The following FGFR1OP2 variants were observed in gnomAD, a reference collection of about 807,000 sequenced individuals.
FGFR1OP2 encodes the protein fibroblast growth factor receptor 1 oncogene partner 2.
Under a neutral mutation model 35.2 loss-of-function variants are expected in FGFR1OP2, and 17 were observed. The ratio of observed to expected loss-of-function variants is 0.48; its 90% confidence interval spans 0.33 to 0.73. FGFR1OP2 has a LOEUF of 0.73. Among genes scored for constraint, FGFR1OP2 ranks in the 30% least tolerant of loss-of-function variants. FGFR1OP2 has a pLI of 0.02. For missense variants in FGFR1OP2, 251 were observed against 307.3 expected (o/e 0.82, Z 1.37); for synonymous variants, 105 against 104.6 (o/e 1.00, Z -0.03).
intron 1 of FGFR1OP2, among the ~76,000 whole-genome samples, chr12:26,950,528 TATTC>T (rs1390889600): frequency 3.9e-5 from 6 of 152,090 alleles, no homozygotes; most frequent in Non-Finnish European, 8.8e-5. Flanking sequence ...ACCTGCCCTG[TATTC>T]ATTGTTTTTA....
intron 4 of FGFR1OP2, among the ~76,000 whole-genome samples, chr12:26,958,596 G>A (rs1425751118): frequency 1.3e-5 from 2 of 152,060 alleles, no homozygotes; most frequent in Non-Finnish European, 2.9e-5. Flanking sequence ...GTAAAATTTT[G>A]CTCCCTTGCC....
In FGFR1OP2 at chr12:26,960,647, C is replaced by CGCT; in HGVS notation, c.510+19_510+20insGCT. 1.2e-6 allele frequency: 2 copies of CGCT among 1,603,890 alleles called. No homozygotes were observed. The highest frequency in any genetic ancestry group is 1.7e-6 in the Non-Finnish European group (2 of 1,174,036). ...TCAGAATGTACACTAAATAAACAGTCAACTTTTGGGGTGTGGATGGAAGGG... is the reference window on the plus strand; with the variant it reads ...TCAGAATGTACACTAAATAAACAGTCGCTAACTTTTGGGGTGTGGATGGAAGGG... On this transcript the variant is annotated intron_variant, in intron 5 of 6. Transcript: ENST00000229395.
chr12:26,959,929 A>G (rs1189785359), intron 4 of FGFR1OP2, among the ~76,000 whole-genome samples: 1 of 152,140 alleles, frequency 6.6e-6, no homozygotes, highest in Non-Finnish European at 1.5e-5. Flanking sequence ...GTAGGGCGTG[A>G]TGAATCCCAA....
At chr12:26,942,826 T>C (rs926136927) in intron 1 of FGFR1OP2, among the ~76,000 whole-genome samples, 7 of 152,236 alleles carry the variant, frequency 4.6e-5, no homozygotes, top group Non-Finnish European at 8.8e-5. Context: ...AGAGACTTTT[T>C]TGTATTCTAG....
intron 1 of FGFR1OP2, among the ~76,000 whole-genome samples, chr12:26,950,215 T>TTTTTTTTTTG (rs1938901145): frequency 1.0e-5 from 1 of 97,204 alleles, no homozygotes. Context: ...TATTCGTTGT[T>TTTTTTTTTTG]TTTTTTTTTT....
At chr12:26,952,153 G>A (rs567601331) in intron 1 of FGFR1OP2, among the ~76,000 whole-genome samples, 1 of 144,458 alleles carries the variant, frequency 6.9e-6, no homozygotes, top group South Asian at 2.2e-4. Context: ...AGAAGGATCC[G>A]ATGTTCTATA....
intron 4 of FGFR1OP2, among the ~76,000 whole-genome samples, chr12:26,959,696 G>C (rs762988827): frequency 1.6e-4 from 24 of 152,064 alleles, no homozygotes; most frequent in Non-Finnish European, 2.9e-4. Flanking sequence ...AAGTTCAGAT[G>C]ATCCTTGCCT....
intron 1 of FGFR1OP2, among the ~76,000 whole-genome samples, chr12:26,939,730 A>G (rs536356614): frequency 1.4e-4 from 22 of 152,322 alleles, no homozygotes; most frequent in African/African-American, 4.6e-4. Context: ...TCTCCTGCCA[A>G]TTTGAACCTG....
intron 1 of FGFR1OP2, among the ~76,000 whole-genome samples, chr12:26,947,890 A>G (rs556211100): frequency 2.0e-5 from 3 of 152,114 alleles, no homozygotes; most frequent in South Asian, 4.1e-4. Flanking sequence ...TTCCTTTGAT[A>G]TTCCTTTGTT....
chr12:26,957,976 T>C, intron 4 of FGFR1OP2: 2 of 364,048 alleles, frequency 5.5e-6, no homozygotes, highest in Non-Finnish European at 9.8e-6. Context: ...AAACTTTAAT[T>C]TGTACGTTGA....
At chr12:26,941,413 G>A (rs1279743458) in intron 1 of FGFR1OP2, among the ~76,000 whole-genome samples, 1 of 152,154 alleles carries the variant, frequency 6.6e-6, no homozygotes, top group South Asian at 2.1e-4. Context: ...GTGGTTTCAC[G>A]TACAGGAAAT....
At chr12:26,939,193 A>G (rs11048778) in intron 1 of FGFR1OP2, among the ~76,000 whole-genome samples, 40,678 of 151,942 alleles carry the variant, frequency 0.27, 5,842 homozygotes, top group African/African-American at 0.38. Flanking sequence ...AAAACCAGGA[A>G]TCATCATTGG....
At chr12:26,948,128 G>A (rs1938858963) in intron 1 of FGFR1OP2, among the ~76,000 whole-genome samples, 1 of 151,972 alleles carries the variant, frequency 6.6e-6, no homozygotes, top group Admixed American at 6.6e-5. Flanking sequence ...TTTTCTTGTA[G>A]TTATATATTT....
chr12:26,956,347 C>T (rs1939019032), intron 2 of FGFR1OP2, among the ~76,000 whole-genome samples, 196 bp from the exon 3 acceptor site: 1 of 151,650 alleles, frequency 6.6e-6, no homozygotes, highest in Non-Finnish European at 1.5e-5. Flanking sequence ...TTATTCAAAT[C>T]CTTTGCCACT....
chr12:26,960,761 T>A, intron 5 of FGFR1OP2, 133 bp downstream of exon 5: 1 of 1,355,838 alleles, frequency 7.4e-7, no homozygotes, highest in Non-Finnish European at 9.7e-7. Flanking sequence ...ATGTTGTGTC[T>A]TTAATAGCCA....
chr12:26,938,848 G>C (rs556529272), intron 1 of FGFR1OP2, 138 bp downstream of exon 1: 2 of 152,316 alleles, frequency 1.3e-5, no homozygotes, highest in South Asian at 4.1e-4. Flanking sequence ...TCCCGCCGCG[G>C]GCTCCCTGCT....
At chr12:26,955,153 G>T (rs547375394) in intron 2 of FGFR1OP2, among the ~76,000 whole-genome samples, 1 of 152,224 alleles carries the variant, frequency 6.6e-6, no homozygotes, top group South Asian at 2.1e-4. Context: ...CATATATCTG[G>T]TATTGAGTTG....
intron 1 of FGFR1OP2, among the ~76,000 whole-genome samples, chr12:26,942,515 G>A (rs1039457998): frequency 2.6e-5 from 4 of 152,146 alleles, no homozygotes; most frequent in Admixed American, 6.5e-5. Flanking sequence ...AGATCCATTT[G>A]GATAGAATTA....
chr12:26,956,479 C>CATATATATATATATAT (rs5797206), intron 2 of FGFR1OP2, 64 bp from the exon 3 acceptor site: 1 of 234,242 alleles, frequency 4.3e-6, no homozygotes, highest in African/African-American at 2.5e-5. Flanking sequence ...ATTTATATAT[C>CATATATATATATATAT]ATATATATAT....
Sources: allele counts gnomAD v4.1 joint callset (sites outside exome capture counted in the v4.1 genomes callset), GRCh38; gene constraint gnomAD v4.1.1; transcripts MANE v1.5; gene names NCBI Gene and HGNC (gene_info 2026-07-23, HGNC 2026-07-21).